CDH13: variants seen among roughly 807,000 people sequenced by gnomAD.
CDH13 encodes cadherin-13.
In CDH13, 24 loss-of-function variants were observed where a neutral mutation model predicts 63.8. The ratio of observed to expected loss-of-function variants is 0.38; its 90% confidence interval spans 0.27 to 0.53. CDH13 has a LOEUF of 0.53. Ranked by LOEUF, CDH13 falls within the 20% of genes least tolerant of loss-of-function variation. The pLI is 0.85. For missense variants in CDH13, 1,049 were observed against 903.1 expected, an observed-to-expected ratio of 1.16 and a Z score of -2.07; for synonymous variants, 503 against 355.3, an observed-to-expected ratio of 1.42 and a Z score of -4.67.
intron 2 of CDH13, among the ~76,000 whole-genome samples, chr16:83,014,762 A>T (rs868808680): frequency 2.8e-4 from 15 of 54,212 alleles, no homozygotes; most frequent in East Asian, 5.5e-4. Flanking sequence ...ATATATATAT[A>T]TATATATATA....
chr16:83,172,564 C>A (rs1414433343), intron 4 of CDH13, among the ~76,000 whole-genome samples: 1 of 150,390 alleles, frequency 6.6e-6, no homozygotes, highest in African/African-American at 2.5e-5. Context: ...CCAAAAATGC[C>A]AAAAAATGCA....
At chr16:83,176,512 G>GAAAAAAAAAAA (rs869250059) in intron 4 of CDH13, among the ~76,000 whole-genome samples, 1 of 71,784 alleles carries the variant, frequency 1.4e-5, no homozygotes, top group African/African-American at 4.6e-5. Context: ...TCCAGCTAGA[G>GAAAAAAAAAAA]AAAAAAAAAA....
chr16:83,211,691 G>T (rs1177732467), intron 4 of CDH13, among the ~76,000 whole-genome samples: 2 of 152,050 alleles, frequency 1.3e-5, no homozygotes, highest in Admixed American at 6.6e-5. Context: ...ACCTGCTCCA[G>T]GCCTCAGTAC....
At chr16:82,759,505 A>G (rs1010516246) in intron 1 of CDH13, among the ~76,000 whole-genome samples, 4 of 151,350 alleles carry the variant, frequency 2.6e-5, no homozygotes, top group Non-Finnish European at 4.4e-5. Context: ...TAAATAGGGG[A>G]TTGTATATTA....
chr16:83,435,043 G>C (rs1254534554), intron 6 of CDH13, among the ~76,000 whole-genome samples: 1 of 118,840 alleles, frequency 8.4e-6, no homozygotes, highest in Non-Finnish European at 1.8e-5. Context: ...ATAGGGTTTG[G>C]AATTCAGAGA....
chr16:83,696,741 A>C (rs1419741363), intron 10 of CDH13, among the ~76,000 whole-genome samples: 2 of 152,112 alleles, frequency 1.3e-5, no homozygotes, highest in African/African-American at 4.8e-5. Context: ...CACTACATAA[A>C]CTTTGTCTAA....
intron 10 of CDH13, among the ~76,000 whole-genome samples, chr16:83,682,327 A>G (rs1344686537): frequency 6.6e-6 from 1 of 151,838 alleles, no homozygotes; most frequent in Non-Finnish European, 1.5e-5. Flanking sequence ...CGTTACTAGG[A>G]AGCTGTTCTG....
intron 4 of CDH13, among the ~76,000 whole-genome samples, chr16:83,138,778 G>C (rs1165299882): frequency 6.6e-6 from 1 of 152,140 alleles, no homozygotes; most frequent in East Asian, 1.9e-4. Flanking sequence ...CCAGGAGCAG[G>C]GGTGACAAAG....
At chr16:82,715,447 T>G (rs1231595138) in intron 1 of CDH13, among the ~76,000 whole-genome samples, 1 of 152,150 alleles carries the variant, frequency 6.6e-6, no homozygotes, top group Non-Finnish European at 1.5e-5. Context: ...TCTGCTTTAT[T>G]GATCTTGAGA....
rs1176400903 is a variant in CDH13 at position 83,380,268 on chromosome 16, A to T, written c.781+35262A>T. On this transcript the variant is annotated intron_variant, in intron 6 of 13. Transcript: ENST00000567109. ...ATGTGACAAAGTGTTACCAGTTGGCAATTCCAGATGGTGGGTGTGCTGATT... is the reference window on the plus strand; with the variant it reads ...ATGTGACAAAGTGTTACCAGTTGGCTATTCCAGATGGTGGGTGTGCTGATT... 2.6e-5 allele frequency among the ~76,000 whole-genome samples: 4 copies of T among 152,244 alleles called. No individual in the cohort carries two copies. The South Asian group carries it at 8.3e-4, about 32-fold the overall frequency.
At chr16:83,324,249 C>T (rs912310385) in intron 5 of CDH13, among the ~76,000 whole-genome samples, 1 of 152,110 alleles carries the variant, frequency 6.6e-6, no homozygotes, top group Non-Finnish European at 1.5e-5. Flanking sequence ...CATGGTCAGG[C>T]TGGTCTTGAA....
At chr16:82,632,538 C>T (rs1597167374) in intron 1 of CDH13, among the ~76,000 whole-genome samples, 1 of 151,986 alleles carries the variant, frequency 6.6e-6, no homozygotes, top group African/African-American at 2.4e-5. Flanking sequence ...CAGTACGAGC[C>T]CTGGCACACC....
At chr16:83,410,109 G>A (rs1473277366) in intron 6 of CDH13, among the ~76,000 whole-genome samples, 1 of 152,176 alleles carries the variant, frequency 6.6e-6, no homozygotes, top group Non-Finnish European at 1.5e-5. Context: ...CCTGTTAACA[G>A]GTAATAAGAT....
At chr16:83,303,687 A>G (rs1416952847) in intron 5 of CDH13, among the ~76,000 whole-genome samples, 1 of 152,154 alleles carries the variant, frequency 6.6e-6, no homozygotes, top group Non-Finnish European at 1.5e-5. Context: ...TGGGAGTGAA[A>G]GGTGATTGAA....
At chr16:82,747,724 T>A (rs1449050453) in intron 1 of CDH13, among the ~76,000 whole-genome samples, 1 of 152,242 alleles carries the variant, frequency 6.6e-6, no homozygotes, top group African/African-American at 2.4e-5. Flanking sequence ...CAAATTAGTC[T>A]TTTCAAAGGT....
intron 1 of CDH13, among the ~76,000 whole-genome samples, chr16:82,680,188 G>A (rs901650814): frequency 1.3e-5 from 2 of 152,208 alleles, no homozygotes; most frequent in Admixed American, 6.5e-5. Flanking sequence ...ATGAGCAGCT[G>A]ATAAAGACCA....
chr16:83,427,833 C>A (rs1436446310), intron 6 of CDH13, among the ~76,000 whole-genome samples: 3 of 152,166 alleles, frequency 2.0e-5, no homozygotes, highest in Admixed American at 6.5e-5. Flanking sequence ...GCTTCTGTTC[C>A]CCTAATAGTA....
intron 6 of CDH13, among the ~76,000 whole-genome samples, chr16:83,475,335 G>C (rs1056180586): frequency 6.6e-6 from 1 of 152,154 alleles, no homozygotes; most frequent in Non-Finnish European, 1.5e-5. Flanking sequence ...CAGCATGTGA[G>C]TTTGCAACTC....
chr16:82,898,140 G>A (rs2041332067), intron 2 of CDH13, among the ~76,000 whole-genome samples: 1 of 152,198 alleles, frequency 6.6e-6, no homozygotes, highest in African/African-American at 2.4e-5. Flanking sequence ...TAAAATGATA[G>A]TTTTTGGTCA....
Sources: gnomAD v4.1 joint callset for allele counts (sites outside exome capture counted in the v4.1 genomes callset) on GRCh38, gnomAD v4.1.1 for gene constraint, MANE v1.5 for transcripts, NCBI Gene and HGNC (gene_info 2026-07-23, HGNC 2026-07-21) for gene names.